ATM: variants seen among roughly 807,000 people sequenced by gnomAD.
ATM encodes the protein serine-protein kinase ATM.
A neutral mutation model predicts 387.0 loss-of-function variants in ATM; 308 were observed. The observed-to-expected ratio is 0.80, with a 90% CI of 0.73 to 0.87. The LOEUF (loss-of-function observed/expected upper bound fraction) is 0.87. Ranked by LOEUF, ATM falls within the 40% of genes least tolerant of loss-of-function variation. The pLI, the probability that ATM is intolerant of heterozygous loss-of-function variation, is 0.00. For synonymous variants in ATM, 1,156 were observed against 1,187.3 expected (o/e 0.97, Z 0.54); for missense variants, 3,312 against 3,560.9 (o/e 0.93, Z 1.78).
chr11:108,348,591 A>C (rs1269706689), intron 59 of ATM, among the ~76,000 whole-genome samples: 1 of 151,872 alleles, frequency 6.6e-6, no homozygotes, highest in Non-Finnish European at 1.5e-5. Flanking sequence ...TAATGTAAAG[A>C]AGTGTGAATG....
At chr11:108,330,106 T>A in intron 49 of ATM, 108 bp from the exon 50 acceptor site, 1 of 1,257,514 alleles carries the variant, frequency 8.0e-7, no homozygotes. Context: ...CTTTTTTCCC[T>A]GGGATAAAAA....
At chr11:108,241,089 C>A (rs1040167177) in intron 5 of ATM, among the ~76,000 whole-genome samples, 4 of 152,118 alleles carry the variant, frequency 2.6e-5, no homozygotes, top group African/African-American at 7.2e-5. Context: ...AACAAAGACA[C>A]AAACACACAC....
intron 22 of ATM, among the ~76,000 whole-genome samples, 167 bp from the exon 23 acceptor site, chr11:108,279,324 A>T (rs1422231013): frequency 6.6e-6 from 1 of 152,188 alleles, no homozygotes; most frequent in Admixed American, 6.5e-5. Flanking sequence ...GCTGGTCTGA[A>T]CCTCTTTAAA....
At chr11:108,271,167 G>GT (rs753113491) in intron 19 of ATM, 21 bp downstream of exon 19, 38 of 1,612,290 alleles carry the variant, frequency 2.4e-5, no homozygotes, top group Admixed American at 3.3e-5. Context: ...AAAACCTTAT[G>GT]TTATGTTCAC....
At chr11:108,280,133 G>A (rs1436873257) in intron 23 of ATM, among the ~76,000 whole-genome samples, 2 of 152,122 alleles carry the variant, frequency 1.3e-5, no homozygotes, top group African/African-American at 4.8e-5. Flanking sequence ...TTAAATAACT[G>A]TCAAGTCTGT....
intron 42 of ATM, 87 bp downstream of exon 42, chr11:108,316,200 A>T: frequency 8.2e-7 from 1 of 1,224,004 alleles, no homozygotes; most frequent in Non-Finnish European, 1.2e-6. Context: ...ACACAGCCAG[A>T]TAAACTCTAG....
rs575925870 is a variant in ATM at position 108,249,922 on chromosome 11, A to T, written c.1236-779A>T. ...AAGAGTAATTTATTGAACACCTGTT[A>T]TGGGCTAAGCGTTAGATATACAGAG... On this transcript the variant is annotated intron_variant, in intron 9 of 62. Transcript: ENST00000675843. Among the ~76,000 whole-genome samples, 256 of 152,304 alleles carry T rather than the reference A, an allele frequency of 1.7e-3. 2 individuals are homozygous for T. The highest frequency in any genetic ancestry group is 5.3e-3 in the African/African-American group (221 of 41,566).
In ATM at chr11:108,335,947, A is replaced by G. The variant is rs1215163673; in HGVS notation, c.8254A>G (p.Ile2752Val). The change falls in exon 56 of 63, where the codon ATC (isoleucine) becomes GTC (valine). Residue 2752 changes from isoleucine to valine, a missense_variant. By Grantham distance (29) the Ile-to-Val change is conservative. This residue lies in a region of ATM where 1,405 missense variants were observed against 1,604.4 expected (regional missense o/e 0.88). Coordinates refer to ENST00000675843, the MANE Select transcript of ATM (RefSeq NM_000051.4). ...NTETRKRKLT[I>V]CTYKVVPLSQ... ...GGAAACTAGGAAGAGGAAATTAACTATCTGTACTTATAAGGTAACTATTTG... is the reference window on the plus strand; with the variant it reads ...GGAAACTAGGAAGAGGAAATTAACTGTCTGTACTTATAAGGTAACTATTTG... 2 of 1,609,100 alleles carry G rather than the reference A, an allele frequency of 1.2e-6. No homozygotes were observed. Among genetic ancestry groups the G allele is most frequent in the Non-Finnish European group, 1.7e-6 (2 of 1,175,610 alleles).
rs555360537 is a variant in ATM, at chr11:108,366,489, A to G, written c.*981A>G. 4.4e-6 allele frequency: 1 copy of G among 225,796 alleles called. No homozygotes were observed. Among genetic ancestry groups the G allele is most frequent in the African/African-American group, 2.2e-5 (1 of 44,946 alleles). The allele number at this position is 225,796 out of a possible 1,614,324, so 14.0% of individuals were successfully genotyped here. On this transcript the variant is annotated 3_prime_UTR_variant, in exon 63 of 63. Transcript: ENST00000675843. ...CTATTAAATTTAGTTCCTGCTGTTT[A>G]TATCTGTTGATTTTTGTATTTGATA...
chr11:108,292,480 C>A, intron 29 of ATM, 139 bp from the exon 30 acceptor site: 1 of 1,034,920 alleles, frequency 9.7e-7, no homozygotes, highest in Non-Finnish European at 1.4e-6. Context: ...CTCTTTTTGG[C>A]TTATAAGCCA....
intron 8 of ATM, among the ~76,000 whole-genome samples, chr11:108,248,039 GA>G (rs2079942913): frequency 6.6e-6 from 1 of 152,124 alleles, no homozygotes; most frequent in African/African-American, 2.4e-5. Flanking sequence ...CGTTTAAATG[GA>G]ATCATACAAT....
intron 22 of ATM, among the ~76,000 whole-genome samples, chr11:108,273,856 G>A (rs1484622433): frequency 6.6e-6 from 1 of 152,170 alleles, no homozygotes; most frequent in Non-Finnish European, 1.5e-5. Context: ...GTCTCTGCCA[G>A]GTTTTGGAAT....
In ATM at chr11:108,268,569, C is replaced by G. The variant is rs56087610; in HGVS notation, c.2798C>G (p.Ser933Cys). Reference protein sequence around the residue: ...IRRKLLMLIDSSTLEPTKSLH... With the variant: ...IRRKLLMLIDCSTLEPTKSLH... ...AGGAAATTGTTAATGTTAATTGATT[C>G]TAGCACGCTAGAACCTACCAAATCC... Residue 933 changes from serine (S) to cysteine (C), a missense_variant, in exon 18 of 63, where the codon TCT (serine) becomes TGT (cysteine). By Grantham distance (112) the Ser-to-Cys change is moderately radical. Around this residue, in one of 4 missense-constraint regions of ATM, gnomAD observed 1,791 missense variants for 1,804.5 expected, o/e 0.99. Coordinates refer to ENST00000675843, the MANE Select transcript of ATM (RefSeq NM_000051.4). 2 of 1,613,930 alleles carry G rather than the reference C, an allele frequency of 1.2e-6. No homozygotes were observed. Among genetic ancestry groups the G allele is most frequent in the Non-Finnish European group, 1.7e-6 (2 of 1,179,990 alleles).
chr11:108,262,980 A>G (rs1344593455), intron 16 of ATM, among the ~76,000 whole-genome samples: 1 of 152,120 alleles, frequency 6.6e-6, no homozygotes, highest in Non-Finnish European at 1.5e-5. Flanking sequence ...CCAGATTCAT[A>G]AAGCAAGTCC....
At chr11:108,291,190 C>G (rs1333519268) in intron 29 of ATM, among the ~76,000 whole-genome samples, 1 of 151,336 alleles carries the variant, frequency 6.6e-6, no homozygotes, top group Non-Finnish European at 1.5e-5. Context: ...GAGTCTAATT[C>G]GCACCACTGC....
At chr11:108,265,193 G>T (rs1401431494) in intron 16 of ATM, among the ~76,000 whole-genome samples, 1 of 151,712 alleles carries the variant, frequency 6.6e-6, no homozygotes, top group African/African-American at 2.4e-5. Context: ...TAAGCCAAAA[G>T]AACAAAGCTG....
chr11:108,318,335 C>T (rs2084927512), intron 43 of ATM, among the ~76,000 whole-genome samples: 1 of 151,810 alleles, frequency 6.6e-6, no homozygotes. Context: ...GCACTCCAGC[C>T]TGGACAACAG....
At chr11:108,302,141 A>G (rs2135920482) in intron 35 of ATM, among the ~76,000 whole-genome samples, 1 of 152,242 alleles carries the variant, frequency 6.6e-6, no homozygotes, top group East Asian at 1.9e-4. Context: ...ACAAGTGTTT[A>G]TTTCCATGTC....
intron 33 of ATM, among the ~76,000 whole-genome samples, chr11:108,298,687 G>C (rs1036851105): frequency 2.0e-5 from 3 of 152,152 alleles, no homozygotes; most frequent in Non-Finnish European, 4.4e-5. Context: ...GGAAGTTCTA[G>C]CCAGAGCAAT....
Sources: gnomAD v4.1 joint callset for allele counts (sites outside exome capture counted in the v4.1 genomes callset) on GRCh38, gnomAD v4.1.1 for gene constraint, gnomAD v4.1.1 regional missense constraint, MANE v1.5 for transcripts, NCBI Gene and HGNC (gene_info 2026-07-23, HGNC 2026-07-21) for gene names.